Variants in SH2D6 observed in about 807,000 individuals in gnomAD.
The protein encoded by SH2D6 is SH2 domain containing 6.
A neutral mutation model predicts 30.2 loss-of-function variants in SH2D6; 31 were observed. The ratio of observed to expected loss-of-function variants is 1.03; its 90% confidence interval spans 0.77 to 1.38. The LOEUF is 1.38. SH2D6 is among the 40% of genes most tolerant of loss of function. The probability of loss-of-function intolerance (pLI) is 0.00; values close to 1 mark genes in which losing one functional copy is unlikely to be tolerated. For missense variants in SH2D6, 240 were observed against 266.8 expected, an observed-to-expected ratio of 0.90 and a Z score of 0.70; for synonymous variants, 93 against 104.6, an observed-to-expected ratio of 0.89 and a Z score of 0.68.
intron 5 of SH2D6, among the ~76,000 whole-genome samples, chr2:85,424,538 C>G (rs1438874060): frequency 6.6e-6 from 1 of 151,406 alleles, no homozygotes; most frequent in African/African-American, 2.4e-5. Flanking sequence ...TCACTTGAGG[C>G]CAGGAGTTTC....
intron 16 of SH2D6, 29 bp from the exon 17 acceptor site, chr2:85,434,004 C>G: frequency 6.5e-7 from 1 of 1,541,142 alleles, no homozygotes. Flanking sequence ...GGTGCTCAGC[C>G]GAGCCCAGCC....
intron 19 of SH2D6, 115 bp downstream of exon 19, chr2:85,434,612 A>G: frequency 8.3e-7 from 1 of 1,208,832 alleles, no homozygotes; most frequent in Non-Finnish European, 1.1e-6. Flanking sequence ...GCACTTGACT[A>G]GACTTAAAAA....
Position 85,422,298 on chromosome 2 carries a change from C to T in SH2D6, c.-481C>T, listed in dbSNP as rs527978920. The T allele has an allele frequency of 6.6e-6, 1 of 152,030 alleles. No homozygotes were observed. Among genetic ancestry groups the T allele is most frequent in the Non-Finnish European group, 1.5e-5 (1 of 68,000 alleles). The allele number at this position is 152,030 out of a possible 1,614,324, so 9.4% of individuals were successfully genotyped here. On this transcript the variant is annotated 5_prime_UTR_variant, in exon 3 of 24. Coordinates refer to ENST00000469800, the MANE Select transcript of SH2D6 (RefSeq NM_001394463.1). ...ATTGCTTGAGCCCAGAAGTTCAAGA[C>T]CAGCCTGGACAACATAGTGAGACCC...
In SH2D6 at chr2:85,436,509, A is replaced by C. The variant is rs1573261223; in HGVS notation, c.935A>C (p.His312Pro). Residue 312 changes from histidine (H) to proline (P), a missense_variant, in exon 23 of 24, where the codon CAC (histidine) becomes CCC (proline). Coordinates refer to ENST00000469800, the MANE Select transcript of SH2D6 (RefSeq NM_001394463.1). ...VAAMVQHFMW[H>P]PLPLVDRHSG... ...GCCATGGTCCAGCACTTCATGTGGC[A>C]CCCTCTGCCCCTTGTGGACAGACAC... 1 of 1,613,418 alleles carries C rather than the reference A, an allele frequency of 6.2e-7. No individual in the cohort carries two copies. The highest frequency in any genetic ancestry group is 2.2e-5 in the East Asian group (1 of 44,864).
chr2:85,424,284 C>T (rs1292817754), intron 5 of SH2D6, among the ~76,000 whole-genome samples: 2 of 152,216 alleles, frequency 1.3e-5, no homozygotes, highest in East Asian at 1.9e-4. Flanking sequence ...GTGGCCCCCA[C>T]ATAACCTCCT....
chr2:85,428,797 G>A (rs1411051675), intron 7 of SH2D6, 100 bp downstream of exon 7: 1 of 152,166 alleles, frequency 6.6e-6, no homozygotes, highest in Non-Finnish European at 1.5e-5. Flanking sequence ...CATTTGAAAA[G>A]CAGGGATAAA....
intron 19 of SH2D6, chr2:85,434,798 AT>A: frequency 1.4e-6 from 2 of 1,449,834 alleles, no homozygotes; most frequent in African/African-American, 1.4e-5. Flanking sequence ...CCTCTTGGGC[AT>A]TTTCCGGTGC....
At chr2:85,420,165 C>T (rs1573201274) in intron 2 of SH2D6, among the ~76,000 whole-genome samples, 1 of 152,098 alleles carries the variant, frequency 6.6e-6, no homozygotes, top group Non-Finnish European at 1.5e-5. Context: ...AGTGCAGTGG[C>T]GCAATCTCGG....
chr2:85,432,990 C>T (rs1688931145), intron 14 of SH2D6, 109 bp from the exon 15 acceptor site: 1 of 910,122 alleles, frequency 1.1e-6, no homozygotes, highest in Non-Finnish European at 1.3e-6. Context: ...TCTGAGATGT[C>T]CTCCTCGGAG....
At chr2:85,419,983 C>A (rs960524819) in intron 2 of SH2D6, among the ~76,000 whole-genome samples, 1 of 152,170 alleles carries the variant, frequency 6.6e-6, no homozygotes, top group African/African-American at 2.4e-5. Flanking sequence ...AAACAATCAG[C>A]CTTTTGTTGA....
rs1313323766 is a variant in SH2D6 at position 85,435,455 on chromosome 2, G to A, written c.691G>A (p.Asp231Asn). The change falls in exon 21 of 24, where the codon GAC (aspartate) becomes AAC (asparagine). Residue 231 changes from aspartate (D) to asparagine (N), a missense_variant. By Grantham distance (23) the Asp-to-Asn change is conservative. Coordinates refer to ENST00000469800, the MANE Select transcript of SH2D6 (RefSeq NM_001394463.1). ...TCAGCCTTGGTACTCGGGGAACTGT[G>A]ACCGCTATGCTGTTGAGAGTGCCCT... ...LTQPWYSGNC[D>N]RYAVESALLH... 2 of 1,613,814 alleles carry A rather than the reference G, an allele frequency of 1.2e-6. No individual in the cohort carries two copies. Among genetic ancestry groups the A allele is most frequent in the African/African-American group, 2.7e-5 (2 of 74,942 alleles).
intron 5 of SH2D6, among the ~76,000 whole-genome samples, chr2:85,422,933 G>T (rs1196819215): frequency 6.6e-6 from 1 of 152,248 alleles, no homozygotes; most frequent in African/African-American, 2.4e-5. Context: ...TGTCACCCAG[G>T]CTGGAGTGCA....
At chr2:85,433,951 A>T in intron 16 of SH2D6, 82 bp from the exon 17 acceptor site, 1 of 1,177,574 alleles carries the variant, frequency 8.5e-7, no homozygotes, top group Non-Finnish European at 1.2e-6. Context: ...CAGGCCCTGC[A>T]GCTGTTCTCA....
chr2:85,428,129 C>T (rs1002541068), intron 6 of SH2D6, among the ~76,000 whole-genome samples: 1 of 152,162 alleles, frequency 6.6e-6, no homozygotes, highest in Non-Finnish European at 1.5e-5. Context: ...ATCTTTTTAT[C>T]GCCACGCTTC....
intron 6 of SH2D6, among the ~76,000 whole-genome samples, 158 bp downstream of exon 6, chr2:85,425,565 G>A (rs1458848644): frequency 6.6e-6 from 1 of 152,114 alleles, no homozygotes; most frequent in Non-Finnish European, 1.5e-5. Context: ...ACCACGCCCG[G>A]CCGGATTAAA....
At chr2:85,432,260 T>TA (rs1015023805) in intron 14 of SH2D6, among the ~76,000 whole-genome samples, 3 of 151,902 alleles carry the variant, frequency 2.0e-5, no homozygotes, top group African/African-American at 2.4e-5. Context: ...TTTTTTTTTT[T>TA]TTATTGAGTC....
chr2:85,419,235 CA>C lies in SH2D6; in HGVS notation c.-585del, dbSNP rs1340604489. 1.3e-5 allele frequency: 2 copies of C among 152,386 alleles called. No individual in the cohort carries two copies. The highest frequency in any genetic ancestry group is 2.9e-5 in the Non-Finnish European group (2 of 68,166). The allele number at this position is 152,386 out of a possible 1,614,324, so 9.4% of individuals were successfully genotyped here. On this transcript the variant is annotated 5_prime_UTR_variant, in exon 2 of 24. The change abolishes the stop of an existing upstream ORF in the 5' untranslated region. Transcript: ENST00000469800. ...GCGCCCAGGCATCAATTTTACATGGCAGAGTCAAGGTGAGGTTAGGAGGCTG... is the reference window on the plus strand; with the variant it reads ...GCGCCCAGGCATCAATTTTACATGGCGAGTCAAGGTGAGGTTAGGAGGCTG...
intron 2 of SH2D6, among the ~76,000 whole-genome samples, chr2:85,419,904 T>C (rs922593593): frequency 2.0e-5 from 3 of 152,230 alleles, no homozygotes; most frequent in Non-Finnish European, 4.4e-5. Flanking sequence ...ACTGGTCGCG[T>C]GGTCTCTAAG....
At chr2:85,432,404 G>T (rs55762624) in intron 14 of SH2D6, among the ~76,000 whole-genome samples, 50,211 of 149,380 alleles carry the variant, frequency 0.34, 9,367 homozygotes, top group Non-Finnish European at 0.43. Flanking sequence ...GTTTTGTTTT[G>T]TTTTGTTTTT....
Sources: allele counts gnomAD v4.1 joint callset (sites outside exome capture counted in the v4.1 genomes callset), GRCh38; gene constraint gnomAD v4.1.1; transcripts MANE v1.5; gene names NCBI Gene and HGNC (gene_info 2026-07-23, HGNC 2026-07-21).